L3MBTL4: variants seen among roughly 807,000 people sequenced by gnomAD.
The protein encoded by L3MBTL4 is lethal(3)malignant brain tumor-like protein 4.
In L3MBTL4, 70 loss-of-function variants were observed where a neutral mutation model predicts 84.5. The observed-to-expected ratio is 0.83, with a 90% confidence interval of 0.68 to 1.01. The LOEUF (loss-of-function observed/expected upper bound fraction) is 1.01, where lower values mean the gene tolerates loss of function less well. L3MBTL4 is among the 50% of genes least tolerant of loss of function. The pLI is 0.00. For synonymous variants in L3MBTL4, 274 were observed against 259.8 expected (o/e 1.05, Z -0.52); for missense variants, 715 against 754.8 (o/e 0.95, Z 0.62).
chr18:6,323,329 G>A (rs183579884), intron 1 of L3MBTL4, among the ~76,000 whole-genome samples: 1 of 152,350 alleles, frequency 6.6e-6, no homozygotes, highest in East Asian at 1.9e-4. Context: ...ATAACAGGCA[G>A]AGGCTGGAAG....
chr18:6,100,407 T>TA (rs1288832698), intron 14 of L3MBTL4, among the ~76,000 whole-genome samples: 8 of 152,238 alleles, frequency 5.3e-5, no homozygotes, highest in African/African-American at 1.9e-4. Flanking sequence ...ATTTGTTTCA[T>TA]ATTTATTAAA....
chr18:6,164,001 C>T (rs189750352), intron 13 of L3MBTL4, among the ~76,000 whole-genome samples: 87 of 152,334 alleles, frequency 5.7e-4, no homozygotes, highest in African/African-American at 1.8e-3. Context: ...ACTTTTCCAA[C>T]AGGCTTAACA....
intron 4 of L3MBTL4, among the ~76,000 whole-genome samples, chr18:6,275,581 G>T (rs562152118): frequency 6.6e-6 from 1 of 152,266 alleles, no homozygotes; most frequent in Admixed American, 6.5e-5. Context: ...GCAGGAGAAG[G>T]CTGGAGGACA....
intron 1 of L3MBTL4, among the ~76,000 whole-genome samples, chr18:6,381,133 T>C (rs543172352): frequency 6.6e-6 from 1 of 152,362 alleles, no homozygotes; most frequent in African/African-American, 2.4e-5. Context: ...GAGATTAGGA[T>C]TGCAACTCCT....
At chr18:6,248,462 A>G (rs1599331122) in intron 5 of L3MBTL4, among the ~76,000 whole-genome samples, 1 of 152,186 alleles carries the variant, frequency 6.6e-6, no homozygotes, top group Admixed American at 6.5e-5. Context: ...GATTTTTTAA[A>G]TATGTAGAAT....
chr18:6,322,099 G>A (rs2051434622), intron 1 of L3MBTL4, among the ~76,000 whole-genome samples: 1 of 151,464 alleles, frequency 6.6e-6, no homozygotes, highest in African/African-American at 2.4e-5. Context: ...GCTCACATCT[G>A]TAATACTAGA....
chr18:5,988,530 C>T (rs796762688), intron 16 of L3MBTL4, among the ~76,000 whole-genome samples: 1 of 152,130 alleles, frequency 6.6e-6, no homozygotes, highest in Non-Finnish European at 1.5e-5. Context: ...ATATAATACT[C>T]ATTTGCTTAG....
intron 1 of L3MBTL4, among the ~76,000 whole-genome samples, chr18:6,346,371 G>A (rs998393717): frequency 2.6e-5 from 4 of 151,662 alleles, no homozygotes; most frequent in Admixed American, 6.6e-5. Context: ...ACTTCTACAC[G>A]GCAAAGGAAA....
In L3MBTL4 at chr18:6,214,250, A is replaced by T. The variant is rs1251677307; in HGVS notation, c.871-991T>A. On this transcript the variant is annotated intron_variant, in intron 11 of 18. Transcript: ENST00000317931. ...GTAATCCCAGCACTTTGGGAGGCCGAGGTGGGCAGATCACCTGAGGTGATC... is the reference window on the plus strand; with the variant it reads ...GTAATCCCAGCACTTTGGGAGGCCGTGGTGGGCAGATCACCTGAGGTGATC... 1.1e-4 allele frequency among the ~76,000 whole-genome samples: 17 copies of T among 152,062 alleles called. 1 individual carries two copies. The highest frequency in any genetic ancestry group is 1.1e-3 in the Admixed American group (17 of 15,258).
At chr18:6,395,777 G>A (rs186799130) in intron 1 of L3MBTL4, 247 of 152,116 alleles carry the variant, frequency 1.6e-3, no homozygotes, top group African/African-American at 5.6e-3. Context: ...TTCTACACTC[G>A]GTTTTGTTTT....
intron 1 of L3MBTL4, chr18:6,413,857 T>C (rs373917152): frequency 6.6e-6 from 1 of 152,352 alleles, no homozygotes; most frequent in East Asian, 1.9e-4. Context: ...CCTCGGGGCA[T>C]TGGCGCATTA....
intron 1 of L3MBTL4, among the ~76,000 whole-genome samples, chr18:6,375,888 A>G (rs1177649763): frequency 6.6e-6 from 1 of 152,216 alleles, no homozygotes; most frequent in East Asian, 1.9e-4. Flanking sequence ...CAAAAGCACA[A>G]ACTCAGGCGA....
chr18:5,971,372 T>G (rs1354026419), intron 16 of L3MBTL4, among the ~76,000 whole-genome samples: 1 of 152,212 alleles, frequency 6.6e-6, no homozygotes, highest in African/African-American at 2.4e-5. Flanking sequence ...GGGCCAAAAC[T>G]GGGCTGTATT....
chr18:6,041,282 G>A (rs1185761043), intron 16 of L3MBTL4, among the ~76,000 whole-genome samples: 2 of 152,216 alleles, frequency 1.3e-5, no homozygotes, highest in African/African-American at 4.8e-5. Context: ...CTGCCCAGGT[G>A]AGCATGCTGC....
intron 10 of L3MBTL4, among the ~76,000 whole-genome samples, chr18:6,228,497 G>A (rs113152933): frequency 3.3e-4 from 50 of 151,720 alleles, no homozygotes; most frequent in African/African-American, 1.2e-3. Flanking sequence ...ATACATATCT[G>A]GTAAATAAAC....
intron 16 of L3MBTL4, among the ~76,000 whole-genome samples, chr18:6,059,701 T>G (rs1229946506): frequency 2.0e-5 from 3 of 152,218 alleles, no homozygotes; most frequent in Non-Finnish European, 2.9e-5. Flanking sequence ...TCTTCTCACT[T>G]AAAGCCTCAT....
intron 16 of L3MBTL4, among the ~76,000 whole-genome samples, chr18:5,970,654 C>T (rs4798421): frequency 0.47 from 70,784 of 152,070 alleles, 17,699 homozygotes; most frequent in Non-Finnish European, 0.55. Context: ...GTTTTAAGCC[C>T]TCCAGAAGTC....
At chr18:6,243,527 A>T in intron 6 of L3MBTL4, 98 bp from the exon 7 acceptor site, 3 of 991,862 alleles carry the variant, frequency 3.0e-6, no homozygotes, top group Non-Finnish European at 4.3e-6. Flanking sequence ...AGTACTATCA[A>T]CATATAAGAG....
intron 13 of L3MBTL4, among the ~76,000 whole-genome samples, chr18:6,148,793 G>A (rs1402481064): frequency 6.6e-6 from 1 of 150,638 alleles, no homozygotes; most frequent in African/African-American, 2.4e-5. Context: ...ACAAAAAAAT[G>A]TTTTACATAT....
Sources: gnomAD v4.1 joint callset for allele counts (sites outside exome capture counted in the v4.1 genomes callset) on GRCh38, gnomAD v4.1.1 for gene constraint, MANE v1.5 for transcripts, NCBI Gene and HGNC (gene_info 2026-07-23, HGNC 2026-07-21) for gene names.